MYT1L: variants seen among roughly 807,000 people sequenced by gnomAD.
MYT1L encodes myelin transcription factor 1 like.
A neutral mutation model predicts 126.7 loss-of-function variants in MYT1L; 12 were observed. That is an observed-to-expected ratio of 0.09 (90% CI 0.06 to 0.15). MYT1L has a LOEUF of 0.15. Among genes scored for constraint, MYT1L ranks in the 10% least tolerant of loss-of-function variants. MYT1L has a pLI of 1.00. For missense variants in MYT1L, 979 were observed against 1,585.2 expected (o/e 0.62, Z 6.49); for synonymous variants, 541 against 604.2 (o/e 0.90, Z 1.53).
intron 1 of MYT1L, among the ~76,000 whole-genome samples, chr2:2,300,622 T>C (rs2095767949): frequency 1.3e-5 from 2 of 152,230 alleles, no homozygotes; most frequent in African/African-American, 2.4e-5. Flanking sequence ...GTATCGTTTT[T>C]CTCAGCAAGG....
intron 4 of MYT1L, among the ~76,000 whole-genome samples, chr2:1,999,478 A>G (rs2062163673): frequency 6.6e-6 from 1 of 152,238 alleles, no homozygotes; most frequent in Non-Finnish European, 1.5e-5. Context: ...AATCTTAAAT[A>G]TGTAGAAAAA....
intron 2 of MYT1L, among the ~76,000 whole-genome samples, chr2:2,187,030 A>G (rs2092262648): frequency 6.6e-6 from 1 of 152,186 alleles, no homozygotes; most frequent in Non-Finnish European, 1.5e-5. Flanking sequence ...ACTTGGCCTT[A>G]ATGAACTTAA....
chr2:2,212,951 G>A (rs899985072), intron 2 of MYT1L, among the ~76,000 whole-genome samples: 1 of 152,132 alleles, frequency 6.6e-6, no homozygotes, highest in Non-Finnish European at 1.5e-5. Context: ...TGTCTTTCAT[G>A]AGGGGAAGAG....
chr2:1,851,334 T>C (rs1019882906), intron 19 of MYT1L, among the ~76,000 whole-genome samples: 48 of 152,158 alleles, frequency 3.2e-4, no homozygotes, highest in African/African-American at 1.2e-3. Flanking sequence ...GTAGATACTG[T>C]TCTTTTGCCT....
chr2:1,966,455 G>A (rs1001627075), intron 8 of MYT1L, among the ~76,000 whole-genome samples: 8 of 152,140 alleles, frequency 5.3e-5, no homozygotes, highest in South Asian at 4.1e-4. Flanking sequence ...CCATTGATGT[G>A]GGTGTAAACA....
chr2:2,073,488 C>G (rs770743830), intron 3 of MYT1L, among the ~76,000 whole-genome samples: 3 of 152,116 alleles, frequency 2.0e-5, no homozygotes, highest in Non-Finnish European at 2.9e-5. Context: ...TTTCCTCTCT[C>G]TCCTACGGGG....
At position 1,860,506 on chromosome 2, in the gene MYT1L, G is replaced by A. The variant is rs140412063; in HGVS notation, c.2712-8803C>T. Among the ~76,000 whole-genome samples the A allele has an allele frequency of 8.8e-3, 1,335 of 152,328 alleles. 20 individuals carry two copies. Among genetic ancestry groups the A allele is most frequent in the African/African-American group, 0.031 (1,283 of 41,574 alleles). ...ACTCAGGGCTGGGATGCTGGGGCCT[G>A]GGGTCGCAAGAGAGGTACTCACCTT... On this transcript the variant is annotated intron_variant, in intron 18 of 24. Coordinates refer to ENST00000647738, the MANE Select transcript of MYT1L (RefSeq NM_001303052.2).
At position 1,956,118 on chromosome 2, in the gene MYT1L, CAT is replaced by C. The variant is rs1008497280; in HGVS notation, c.153-12786_153-12785del. Among the ~76,000 whole-genome samples, 23 of 152,166 alleles carry C rather than the reference CAT, an allele frequency of 1.5e-4. No individual in the cohort carries two copies. The East Asian group carries it at 3.3e-3, about 22-fold the overall frequency. Reference sequence around the variant, plus strand: ...TATCTACCTACCTATGACTTATCTACATGTCTTTCTACCTACCTATGTCTATC... The same window carrying C: ...TATCTACCTACCTATGACTTATCTACGTCTTTCTACCTACCTATGTCTATC... On this transcript the variant is annotated intron_variant, in intron 8 of 24. Coordinates refer to ENST00000647738, the MANE Select transcript of MYT1L (RefSeq NM_001303052.2).
chr2:2,093,407 A>T (rs1575115148), intron 3 of MYT1L, among the ~76,000 whole-genome samples: 2 of 131,708 alleles, frequency 1.5e-5, no homozygotes, highest in African/African-American at 7.0e-5. Flanking sequence ...CAATGTACAA[A>T]AAAAAAAAAA....
chr2:2,215,099 A>G (rs747151040), intron 2 of MYT1L, among the ~76,000 whole-genome samples: 1 of 152,182 alleles, frequency 6.6e-6, no homozygotes, highest in Non-Finnish European at 1.5e-5. Context: ...CTATGAAAGA[A>G]ATAACAGAAT....
At position 1,955,142 on chromosome 2, in the gene MYT1L, C is replaced by CAA. The variant is rs111904216; in HGVS notation, c.153-11810_153-11809dup. On this transcript the variant is annotated intron_variant, in intron 8 of 24. Coordinates refer to ENST00000647738, the MANE Select transcript of MYT1L (RefSeq NM_001303052.2). ...TGGGCAACAGACAGAGAGTCCATCT[C>CAA]AAAAAAAAAAAAAATATGATTCTAC... Among the ~76,000 whole-genome samples, 854 of 117,040 alleles carry CAA rather than the reference C, an allele frequency of 7.3e-3. 9 individuals are homozygous for CAA. Among genetic ancestry groups the CAA allele is most frequent in the African/African-American group, 0.013 (457 of 35,646 alleles). The allele number at this position is 117,040 out of a possible 152,430, so 76.8% of individuals were successfully genotyped here. A position where few individuals can be genotyped will look rare whatever the true frequency, so the allele number is the denominator to read the frequency against.
intron 1 of MYT1L, among the ~76,000 whole-genome samples, chr2:2,286,882 T>A (rs528682868): frequency 2.2e-4 from 34 of 152,306 alleles, no homozygotes; most frequent in African/African-American, 7.9e-4. Flanking sequence ...TGGAAGAGAC[T>A]TAGTGTCAAA....
At chr2:2,183,858 A>T (rs2091812348) in intron 2 of MYT1L, among the ~76,000 whole-genome samples, 1 of 147,176 alleles carries the variant, frequency 6.8e-6, no homozygotes, top group South Asian at 2.3e-4. Flanking sequence ...GAGAGGAGGG[A>T]AGGAAAAAGG....
At chr2:1,866,784 AGGG>A in intron 18 of MYT1L, among the ~76,000 whole-genome samples, 1 of 36,084 alleles carries the variant, frequency 2.8e-5, no homozygotes, top group South Asian at 1.4e-3. Flanking sequence ...AGAGAGAGGG[AGGG>A]GGAGAGAGAG....
chr2:1,922,171 TG>T lies in MYT1L; in HGVS notation c.1483+114del. ...ATCCTTCTGGAATCAACTCTAAGAATGTGCAGTAGAGACATAATTCAGTGTG... is the reference window on the plus strand; with the variant it reads ...ATCCTTCTGGAATCAACTCTAAGAATTGCAGTAGAGACATAATTCAGTGTG... On this transcript the variant is annotated intron_variant, in intron 10 of 24. Coordinates refer to ENST00000647738, the MANE Select transcript of MYT1L (RefSeq NM_001303052.2). This position sits in a 1 kb window ranked among gnomAD's most constrained non-coding sequence, Gnocchi z 7.4. The T allele has an allele frequency of 9.1e-6, 12 of 1,314,312 alleles. No individual in the cohort carries two copies. Among genetic ancestry groups the T allele is most frequent in the Non-Finnish European group, 1.2e-5 (12 of 968,162 alleles). 81.4% of individuals were successfully genotyped at this position (1,314,312 alleles called of 1,614,324 possible).
At chr2:2,305,144 A>G (rs546575251) in intron 1 of MYT1L, among the ~76,000 whole-genome samples, 2 of 152,334 alleles carry the variant, frequency 1.3e-5, no homozygotes, top group South Asian at 4.1e-4. Flanking sequence ...AAAATTGATT[A>G]TGAAGGAGGC....
intron 3 of MYT1L, among the ~76,000 whole-genome samples, chr2:2,150,279 A>G (rs2085539908): frequency 6.6e-6 from 1 of 152,116 alleles, no homozygotes; most frequent in Admixed American, 6.6e-5. Flanking sequence ...TCAAGAAGAT[A>G]AAAAAAGCAC....
intron 4 of MYT1L, among the ~76,000 whole-genome samples, chr2:2,031,439 A>C (rs1473234720): frequency 1.3e-5 from 2 of 148,238 alleles, no homozygotes; most frequent in East Asian, 4.0e-4. Flanking sequence ...TTCTAGAAGG[A>C]GGGCCTTATA....
chr2:2,147,029 T>G (rs1227732575), intron 3 of MYT1L, among the ~76,000 whole-genome samples: 1 of 152,194 alleles, frequency 6.6e-6, no homozygotes, highest in African/African-American at 2.4e-5. Flanking sequence ...GCAACAAGAC[T>G]CAGTGACAAT....
Sources: gnomAD v4.1 joint callset for allele counts (sites outside exome capture counted in the v4.1 genomes callset) on GRCh38, gnomAD v4.1.1 for gene constraint, Gnocchi (gnomAD v3.1) non-coding constraint, MANE v1.5 for transcripts, NCBI Gene and HGNC (gene_info 2026-07-23, HGNC 2026-07-21) for gene names.